Variants in NR3C1 observed in about 807,000 individuals in gnomAD.
NR3C1 encodes nuclear receptor subfamily 3 group C member 1.
Under a neutral mutation model 74.0 loss-of-function variants are expected in NR3C1, and 14 were observed. That is an observed-to-expected ratio of 0.19 (90% CI 0.12 to 0.30). The LOEUF is 0.30. NR3C1 is among the 10% of genes least tolerant of loss of function. The pLI, the probability that NR3C1 is intolerant of heterozygous loss-of-function variation, is 1.00. For missense variants in NR3C1, 695 were observed against 909.8 expected, an observed-to-expected ratio of 0.76 and a Z score of 3.04; for synonymous variants, 308 against 332.5, an observed-to-expected ratio of 0.93 and a Z score of 0.80.
chr5:143,280,805 T>A lies in NR3C1; in HGVS notation c.*1084A>T, dbSNP rs1362555392. On this transcript the variant is annotated 3_prime_UTR_variant, in exon 9 of 9. Coordinates refer to ENST00000394464, the MANE Select transcript of NR3C1 (RefSeq NM_000176.3). Reference sequence around the variant, plus strand: ...AAGTTTAGTGAGAGGAATTACTTTGTCTGATTAAAAGTCTCTCAGCTGTGT... The same window carrying A: ...AAGTTTAGTGAGAGGAATTACTTTGACTGATTAAAAGTCTCTCAGCTGTGT... 6.6e-6 allele frequency: 1 copy of A among 152,214 alleles called. No individual in the cohort carries two copies. The highest frequency in any genetic ancestry group is 1.5e-5 in the Non-Finnish European group (1 of 68,020). 9.4% of individuals were successfully genotyped at this position (152,214 alleles called of 1,614,324 possible).
chr5:143,399,964 A>G lies in NR3C1; in HGVS notation c.876T>C (p.Ile292=). ...DFIELCTPGV[I]KQEKLGTVYC... ...AAACTGTGCCCAGTTTCTCTTGCTT[A>G]ATTACCCCAGGGGTGCAGAGTTCGA... Residue 292 remains isoleucine, a synonymous_variant, in exon 2 of 9, where the codon ATT becomes ATC. Coordinates refer to ENST00000394464, the MANE Select transcript of NR3C1 (RefSeq NM_000176.3). 1.2e-6 allele frequency: 2 copies of G among 1,614,158 alleles called. No individual in the cohort carries two copies.
chr5:143,378,020 C>A (rs573002939), intron 2 of NR3C1, among the ~76,000 whole-genome samples: 1 of 152,170 alleles, frequency 6.6e-6, no homozygotes, highest in African/African-American at 2.4e-5. Flanking sequence ...AAGGCTGAGA[C>A]CAGAGCATCA....
chr5:143,394,964 G>A (rs964807200), intron 2 of NR3C1, among the ~76,000 whole-genome samples: 3 of 151,904 alleles, frequency 2.0e-5, no homozygotes, highest in African/African-American at 7.2e-5. Context: ...TGGAAATTCT[G>A]TATTTAGAGA....
At chr5:143,315,754 C>A (rs1821941855) in intron 2 of NR3C1, among the ~76,000 whole-genome samples, 1 of 152,092 alleles carries the variant, frequency 6.6e-6, no homozygotes, top group African/African-American at 2.4e-5. Context: ...TGCTAATGTT[C>A]CGTTTAGGAA....
At chr5:143,363,830 A>G (rs1291049420) in intron 2 of NR3C1, among the ~76,000 whole-genome samples, 2 of 152,190 alleles carry the variant, frequency 1.3e-5, no homozygotes, top group African/African-American at 2.4e-5. Flanking sequence ...AGATAGGTCA[A>G]ATTGAGATCA....
intron 2 of NR3C1, among the ~76,000 whole-genome samples, chr5:143,343,515 T>C (rs1828642730): frequency 6.6e-6 from 1 of 152,206 alleles, no homozygotes; most frequent in Non-Finnish European, 1.5e-5. Context: ...ATCCCCATTA[T>C]ATAGACAAAG....
At chr5:143,340,558 C>T (rs1828004440) in intron 2 of NR3C1, among the ~76,000 whole-genome samples, 1 of 143,980 alleles carries the variant, frequency 6.9e-6, no homozygotes, top group Non-Finnish European at 1.5e-5. Context: ...TCTTGGCTCA[C>T]TGCAACCTCC....
At chr5:143,367,547 C>G (rs2151841850) in intron 2 of NR3C1, among the ~76,000 whole-genome samples, 1 of 152,292 alleles carries the variant, frequency 6.6e-6, no homozygotes, top group South Asian at 2.1e-4. Context: ...TCAATGATTT[C>G]AGCTAGGTTG....
rs1840793173 is a variant in NR3C1 at position 143,403,673 on chromosome 5, C to T, written c.-476G>A. On this transcript the variant is annotated 5_prime_UTR_variant, in exon 1 of 9. Coordinates refer to ENST00000394464, the MANE Select transcript of NR3C1 (RefSeq NM_000176.3). ...CGAGCGAGCGGGACCGAGCGGGGAG[C>T]GGGTGGAGGCGGCGCCACGGCGCGC... 4 of 985,496 alleles carry T rather than the reference C, an allele frequency of 4.1e-6. No individual in the cohort carries two copies. In the South Asian group the frequency reaches 1.4e-4, roughly 35 times the overall value. 61.0% of individuals were successfully genotyped at this position (985,496 alleles called of 1,614,324 possible).
intron 1 of NR3C1, among the ~76,000 whole-genome samples, chr5:143,415,446 T>C (rs1841445559): frequency 6.6e-6 from 1 of 152,196 alleles, no homozygotes; most frequent in Non-Finnish European, 1.5e-5. Context: ...TACCATAAGG[T>C]AAATGTGATT....
chr5:143,405,270 G>A (rs967084894), upstream of NR3C1: 7 of 985,574 alleles, frequency 7.1e-6, no homozygotes, highest in African/African-American at 1.2e-4. Context: ...CTCCTGACAC[G>A]GGCGGGGGCT....
In NR3C1 at chr5:143,279,350, T is replaced by G. The variant is rs72542768; in HGVS notation, c.*2539A>C. 21 of 1,550,706 alleles carry G rather than the reference T, an allele frequency of 1.4e-5. No individual in the cohort carries two copies. The highest frequency in any genetic ancestry group is 1.7e-5 in the Non-Finnish European group (20 of 1,147,962). On this transcript the variant is annotated 3_prime_UTR_variant, in exon 9 of 9. Coordinates refer to ENST00000394464, the MANE Select transcript of NR3C1 (RefSeq NM_000176.3). ...AGTTCTATTTTTTGAGCGCCAAGAT[T>G]GTTGGGATGAAAATCAGATTAATGT...
At chr5:143,403,080 G>GCCCCC in intron 1 of NR3C1, 131 bp downstream of exon 1, 1 of 764,906 alleles carries the variant, frequency 1.3e-6, no homozygotes, top group Non-Finnish European at 1.6e-6. Flanking sequence ...GCCCTTGCCA[G>GCCCCC]CCCCCCACCC....
rs1043480670 is a variant in NR3C1 at position 143,403,192 on chromosome 5, C to T, written c.-14+19G>A. On this transcript the variant is annotated intron_variant, in intron 1 of 8. Transcript: ENST00000394464. ...GGGGGAGCGAGCGCGCCCCGGCCCCCTCCCGCCTCGCTTCTTACCTCTGGC... is the reference window on the plus strand; with the variant it reads ...GGGGGAGCGAGCGCGCCCCGGCCCCTTCCCGCCTCGCTTCTTACCTCTGGC... 5 of 985,072 alleles carry T rather than the reference C, an allele frequency of 5.1e-6. No individual in the cohort carries two copies. The highest frequency in any genetic ancestry group is 6.0e-6 in the Non-Finnish European group (5 of 829,842). 61.0% of individuals were successfully genotyped at this position (985,072 alleles called of 1,614,324 possible).
chr5:143,426,701 A>G (rs187519744), intron 1 of NR3C1, among the ~76,000 whole-genome samples: 270 of 152,370 alleles, frequency 1.8e-3, no homozygotes, highest in Admixed American at 2.6e-3. Flanking sequence ...AACAATTTTT[A>G]TTAAAACGTT....
At chr5:143,289,855 A>G (rs1815449793) in intron 7 of NR3C1, among the ~76,000 whole-genome samples, 1 of 152,200 alleles carries the variant, frequency 6.6e-6, no homozygotes, top group Non-Finnish European at 1.5e-5. Context: ...AAGAAGTCTC[A>G]TACATTTCTG....
At chr5:143,361,856 C>T (rs945466762) in intron 2 of NR3C1, among the ~76,000 whole-genome samples, 1 of 152,138 alleles carries the variant, frequency 6.6e-6, no homozygotes, top group Non-Finnish European at 1.5e-5. Context: ...AGACAATGTA[C>T]AGGAATCATT....
intron 2 of NR3C1, among the ~76,000 whole-genome samples, chr5:143,364,639 G>A (rs1832882105): frequency 6.6e-6 from 1 of 152,182 alleles, no homozygotes; most frequent in Non-Finnish European, 1.5e-5. Flanking sequence ...GGAAGCAGAA[G>A]AGGTATACAG....
At position 143,400,702 on chromosome 5, in the gene NR3C1, G is replaced by A. The variant is rs1430251023; in HGVS notation, c.138C>T (p.Pro46=). The A allele has an allele frequency of 5.0e-6, 8 of 1,614,066 alleles. No homozygotes were observed. Among genetic ancestry groups the A allele is most frequent in the Non-Finnish European group, 6.8e-6 (8 of 1,180,030 alleles). ...GATVKVSASS[P]SLAVASQSDS... ...CTGATTGAGAAGCGACAGCCAGTGA[G>A]GGTGAAGACGCAGAAACCTTCACAG... Residue 46 remains proline, a synonymous_variant, in exon 2 of 9, where the codon CCC becomes CCT. Transcript: ENST00000394464.
Sources: allele counts gnomAD v4.1 joint callset (sites outside exome capture counted in the v4.1 genomes callset), GRCh38; gene constraint gnomAD v4.1.1; transcripts MANE v1.5; gene names NCBI Gene and HGNC (gene_info 2026-07-23, HGNC 2026-07-21).